The following PARD3B variants were observed in gnomAD, a reference collection of about 807,000 sequenced individuals.
PARD3B encodes par-3 family cell polarity regulator beta.
In PARD3B, 103 loss-of-function variants were observed where a neutral mutation model predicts 130.2. The observed-to-expected ratio is 0.79, with a 90% CI of 0.67 to 0.93. The LOEUF (loss-of-function observed/expected upper bound fraction) is 0.93, where lower values mean the gene tolerates loss of function less well. PARD3B is among the 40% of genes least tolerant of loss of function. PARD3B has a pLI of 0.00. For synonymous variants in PARD3B, 583 were observed against 553.2 expected (o/e 1.05, Z -0.76); for missense variants, 1,609 against 1,499.2 (o/e 1.07, Z -1.21).
At chr2:204,915,751 G>C (rs1304564344) in intron 2 of PARD3B, among the ~76,000 whole-genome samples, 32 of 152,152 alleles carry the variant, frequency 2.1e-4, no homozygotes, top group Admixed American at 2.1e-3. Flanking sequence ...TCAAGTCTTT[G>C]GCTAATTAAT....
At chr2:205,252,848 C>G (rs1342690521) in intron 16 of PARD3B, among the ~76,000 whole-genome samples, 2 of 115,628 alleles carry the variant, frequency 1.7e-5, no homozygotes, top group African/African-American at 3.0e-5. Context: ...ACCCCCCCCC[C>G]CCACCAAAAA....
At chr2:204,787,552 C>T (rs546118535) in intron 2 of PARD3B, among the ~76,000 whole-genome samples, 2 of 152,132 alleles carry the variant, frequency 1.3e-5, no homozygotes, top group South Asian at 4.2e-4. Context: ...TCTGGAGAGT[C>T]GACATGATAC....
rs769678924 is a variant in PARD3B, at chr2:205,125,475, G to A, written c.1306-134G>A. The A allele has an allele frequency of 1.0e-6, 1 of 973,900 alleles. No homozygotes were observed. The highest frequency in any genetic ancestry group is 1.5e-6 in the Non-Finnish European group (1 of 668,758). 60.3% of individuals were successfully genotyped at this position (973,900 alleles called of 1,614,324 possible). On this transcript the variant is annotated intron_variant, in intron 9 of 22. Coordinates refer to ENST00000406610, the MANE Select transcript of PARD3B (RefSeq NM_001302769.2). This position sits in a 1 kb window ranked among gnomAD's most constrained non-coding sequence, Gnocchi z 4.0. ...GGAAATATTGTTGGGTTTTGCCCAT[G>A]TATTTAGTTATCATCTTTTCAGAGC...
intron 10 of PARD3B, among the ~76,000 whole-genome samples, chr2:205,157,866 C>T (rs1336679958): frequency 6.6e-6 from 1 of 152,148 alleles, no homozygotes; most frequent in Admixed American, 6.5e-5. Flanking sequence ...TGTCTGTTCC[C>T]ACTGCTGTAT....
intron 1 of PARD3B, among the ~76,000 whole-genome samples, chr2:204,570,581 G>C (rs1251987524): frequency 2.0e-5 from 3 of 152,194 alleles, no homozygotes; most frequent in Non-Finnish European, 2.9e-5. Context: ...CTATTCCAAA[G>C]GTGAGGGAAG....
chr2:204,986,776 T>A (rs1693194422), intron 3 of PARD3B, among the ~76,000 whole-genome samples: 1 of 152,214 alleles, frequency 6.6e-6, no homozygotes, highest in Admixed American at 6.5e-5. Context: ...AGACGCTTGA[T>A]GGACAGCATT....
intron 20 of PARD3B, among the ~76,000 whole-genome samples, chr2:205,496,036 G>A (rs899718102): frequency 1.3e-5 from 2 of 152,122 alleles, no homozygotes; most frequent in African/African-American, 4.8e-5. Flanking sequence ...TGCTCTAATT[G>A]ATTCGTGATG....
intron 2 of PARD3B, among the ~76,000 whole-genome samples, chr2:204,803,163 A>ATAT (rs35691294): frequency 5.9e-4 from 54 of 90,760 alleles, no homozygotes; most frequent in South Asian, 9.3e-4. Flanking sequence ...AAAAAAAAAA[A>ATAT]ATATATATAT....
intron 18 of PARD3B, among the ~76,000 whole-genome samples, chr2:205,373,627 G>A (rs916446772): frequency 6.6e-6 from 1 of 152,146 alleles, no homozygotes; most frequent in African/African-American, 2.4e-5. Context: ...TGAATAGAGA[G>A]GAAAATCTTA....
At position 205,352,217 on chromosome 2, in the gene PARD3B, A is replaced by C. The variant is rs1441100682; in HGVS notation, c.2631-48796A>C. 6.6e-6 allele frequency among the ~76,000 whole-genome samples: 1 copy of C among 152,170 alleles called. No individual in the cohort carries two copies. The highest frequency in any genetic ancestry group is 1.5e-5 in the Non-Finnish European group (1 of 68,034). ...TAACAGAATCTTACATCAAGTGAACATGGAGGACTGAATATTTAAACCATG... is the reference window on the plus strand; with the variant it reads ...TAACAGAATCTTACATCAAGTGAACCTGGAGGACTGAATATTTAAACCATG... On this transcript the variant is annotated intron_variant, in intron 18 of 22. Coordinates refer to ENST00000406610, the MANE Select transcript of PARD3B (RefSeq NM_001302769.2). This position sits in a 1 kb window ranked among gnomAD's most constrained non-coding sequence, Gnocchi z 5.2.
intron 10 of PARD3B, among the ~76,000 whole-genome samples, chr2:205,126,280 T>C (rs1575868787): frequency 6.6e-6 from 1 of 152,132 alleles, no homozygotes; most frequent in East Asian, 1.9e-4. Flanking sequence ...TTAGACCTAG[T>C]AACTAGACTT....
intron 20 of PARD3B, among the ~76,000 whole-genome samples, chr2:205,444,805 G>T (rs563947101): frequency 6.6e-6 from 1 of 152,310 alleles, no homozygotes; most frequent in East Asian, 1.9e-4. Context: ...CAAAGACAAA[G>T]ATGTTTAGCA....
intron 15 of PARD3B, among the ~76,000 whole-genome samples, chr2:205,203,378 CTTTTTTTTTTCACTT>C (rs1482441458): frequency 7.3e-6 from 1 of 137,680 alleles, no homozygotes; most frequent in East Asian, 2.1e-4. Flanking sequence ...GATTCTAAGC[CTTTTTTTTTTCACTT>C]TTTATTTTTT....
At chr2:204,805,307 A>G (rs2042726835) in intron 2 of PARD3B, among the ~76,000 whole-genome samples, 1 of 152,172 alleles carries the variant, frequency 6.6e-6, no homozygotes, top group Non-Finnish European at 1.5e-5. Flanking sequence ...TAAATTGGAA[A>G]ACTAGAAGAA....
intron 19 of PARD3B, among the ~76,000 whole-genome samples, chr2:205,428,516 A>G (rs1270249281): frequency 1.3e-5 from 2 of 152,206 alleles, no homozygotes; most frequent in Non-Finnish European, 2.9e-5. Flanking sequence ...GCATCCTGTT[A>G]TCAGACTTCC....
At chr2:205,380,020 A>C (rs1320585984) in intron 18 of PARD3B, among the ~76,000 whole-genome samples, 1 of 146,584 alleles carries the variant, frequency 6.8e-6, no homozygotes, top group Non-Finnish European at 1.5e-5. Context: ...GTGAGCCGAG[A>C]TCATGCCACT....
At chr2:205,159,470 G>A (rs780706945) in intron 11 of PARD3B, among the ~76,000 whole-genome samples, 2 of 152,144 alleles carry the variant, frequency 1.3e-5, no homozygotes, top group African/African-American at 4.8e-5. Flanking sequence ...GTCCTTTCAC[G>A]TTGAGGTGAG....
chr2:204,978,728 G>A (rs1308020770), intron 3 of PARD3B, among the ~76,000 whole-genome samples: 5 of 152,116 alleles, frequency 3.3e-5, no homozygotes, highest in African/African-American at 1.2e-4. Flanking sequence ...CTGGGAGGCT[G>A]AAGTGGGAGG....
intron 21 of PARD3B, among the ~76,000 whole-genome samples, chr2:205,510,435 C>G (rs939228190): frequency 1.3e-5 from 2 of 152,168 alleles, no homozygotes; most frequent in African/African-American, 4.8e-5. Context: ...ACATCCTGCT[C>G]CCTCTGGTTA....
Sources: allele counts gnomAD v4.1 joint callset (sites outside exome capture counted in the v4.1 genomes callset), GRCh38; gene constraint gnomAD v4.1.1; non-coding constraint Gnocchi (gnomAD v3.1); transcripts MANE v1.5; gene names NCBI Gene and HGNC (gene_info 2026-07-23, HGNC 2026-07-21).